EVC: variants seen among roughly 807,000 people sequenced by gnomAD.
The protein encoded by EVC is EvC ciliary complex subunit 1, also known as evC complex member EVC.
In EVC, 116 loss-of-function variants were observed where a neutral mutation model predicts 118.9. The observed-to-expected ratio is 0.98, with a 90% CI of 0.84 to 1.14. EVC has a LOEUF of 1.14. EVC is among the 50% of genes most tolerant of loss of function. The probability of loss-of-function intolerance (pLI) is 0.00; values close to 1 mark genes in which losing one functional copy is unlikely to be tolerated. For synonymous variants in EVC, 619 were observed against 534.7 expected (o/e 1.16, Z -2.18); for missense variants, 1,401 against 1,246.4 (o/e 1.12, Z -1.87).
chr4:5,719,351 C>T lies in EVC; in HGVS notation c.278C>T (p.Ser93Leu), dbSNP rs1234856967. ...SRRRKREVQM[S>L]KDKEAVDECE... ...AGGAGGAAGAGAGAAGTGCAGATGT[C>T]GAAGGACAAGGAAGCTGTTGATGTA... is the stretch of plus-strand genomic sequence containing the variant. The change falls in exon 2 of 21, where the codon TCG becomes TTG. Residue 93 changes from serine (S) to leucine (L), a missense_variant. Physicochemically the swap from Ser to Leu is moderately radical, Grantham distance 145 (BLOSUM62 -2). Coordinates refer to ENST00000264956, the MANE Select transcript of EVC (RefSeq NM_153717.3). The surrounding 1 kb of genome is among the most constrained non-coding windows in gnomAD (Gnocchi z 4.7). 8 of 1,613,966 alleles carry T rather than the reference C, an allele frequency of 5.0e-6. No homozygotes were observed. Among genetic ancestry groups the T allele is most frequent in the Admixed American group, 1.7e-5 (1 of 59,990 alleles).
chr4:5,737,133 G>A lies in EVC; in HGVS notation c.702+3698G>A, dbSNP rs1018364434. Among the ~76,000 whole-genome samples the A allele has an allele frequency of 6.6e-6, 1 of 152,234 alleles. No homozygotes were observed. The highest frequency in any genetic ancestry group is 1.5e-5 in the Non-Finnish European group (1 of 68,036). On this transcript the variant is annotated intron_variant, in intron 5 of 20. Coordinates refer to ENST00000264956, the MANE Select transcript of EVC (RefSeq NM_153717.3). This position sits in a 1 kb window ranked among gnomAD's most constrained non-coding sequence, Gnocchi z 5.0. ...GATATGGAGAAAGTCTGAGTGGTCT[G>A]CATAGAAGATCAAACCAGACACAAC...
chr4:5,711,407 G>C lies in EVC; in HGVS notation c.27G>C (p.Lys9Asn), dbSNP rs1474600088. The C allele has an allele frequency of 2.0e-6, 2 of 1,021,452 alleles. No homozygotes were observed. The highest frequency in any genetic ancestry group is 5.7e-5 in the Admixed American group (1 of 17,412). The allele number at this position is 1,021,452 out of a possible 1,614,324, so 63.3% of individuals were successfully genotyped here. Residue 9 changes from lysine (K) to asparagine (N), a missense_variant, in exon 1 of 21, where the codon AAG becomes AAC. Physicochemically the swap from Lys to Asn is moderately conservative, Grantham distance 94. Transcript: ENST00000264956. ...TGGCCCGCGGCGGGGCGGCCTGCAA[G>C]AGCGACGCGCGGCTGCTGCTGGGGC... Reference protein sequence around the residue: MARGGAACKSDARLLLGRD... With the variant: MARGGAACNSDARLLLGRD...
intron 20 of EVC, 124 bp from the exon 21 acceptor site, chr4:5,810,829 C>G: frequency 1.1e-6 from 1 of 937,282 alleles, no homozygotes; most frequent in Non-Finnish European, 1.7e-6. Context: ...CAACCCATGT[C>G]AAAGTAAAAA....
In EVC at chr4:5,746,620, T is replaced by G. The variant is rs1729390827; in HGVS notation, c.939+1279T>G. ...TGCTAAGGAAGAGGGCCAGCCTGGA[T>G]TCCGGTGGTCCACAGAACCCCCAAC... is the stretch of plus-strand genomic sequence containing the variant. On this transcript the variant is annotated intron_variant, in intron 7 of 20. Coordinates refer to ENST00000264956, the MANE Select transcript of EVC (RefSeq NM_153717.3). This position sits in a 1 kb window ranked among gnomAD's most constrained non-coding sequence, Gnocchi z 5.8. 6.6e-6 allele frequency among the ~76,000 whole-genome samples: 1 copy of G among 152,132 alleles called. No homozygotes were observed. Among genetic ancestry groups the G allele is most frequent in the Non-Finnish European group, 1.5e-5 (1 of 68,016 alleles).
chr4:5,797,278 C>G, intron 14 of EVC, 46 bp downstream of exon 14: 1 of 1,466,862 alleles, frequency 6.8e-7, no homozygotes, highest in Non-Finnish European at 9.4e-7. Context: ...AGGCGGTGCC[C>G]CTGCAGCAGG....
intron 5 of EVC, among the ~76,000 whole-genome samples, chr4:5,735,067 C>A (rs1236040264): frequency 6.6e-6 from 1 of 152,258 alleles, no homozygotes; most frequent in Non-Finnish European, 1.5e-5. Flanking sequence ...CACTCACCAT[C>A]CAGCACAGGG....
chr4:5,719,481 A>G lies in EVC; in HGVS notation c.300+108A>G. ...AAGCCTCTGACAGATATAGTTTCCC[A>G]ATGGGCTGCTTTTCTGAGGCATAAT... On this transcript the variant is annotated intron_variant, in intron 2 of 20. Coordinates refer to ENST00000264956, the MANE Select transcript of EVC (RefSeq NM_153717.3). This position sits in a 1 kb window ranked among gnomAD's most constrained non-coding sequence, Gnocchi z 4.7. 1 of 1,534,208 alleles carries G rather than the reference A, an allele frequency of 6.5e-7. No homozygotes were observed. Among genetic ancestry groups the G allele is most frequent in the Non-Finnish European group, 9.0e-7 (1 of 1,111,814 alleles).
intron 5 of EVC, among the ~76,000 whole-genome samples, chr4:5,740,883 A>G (rs980592432): frequency 6.6e-6 from 1 of 152,236 alleles, no homozygotes; most frequent in African/African-American, 2.4e-5. Context: ...TGAACTCACA[A>G]TAAGATATCA....
intron 13 of EVC, among the ~76,000 whole-genome samples, chr4:5,795,744 G>A (rs191653740): frequency 7.2e-5 from 11 of 152,336 alleles, no homozygotes; most frequent in South Asian, 2.1e-4. Flanking sequence ...AACAGAGAGC[G>A]ATTGGGGAAT....
intron 12 of EVC, among the ~76,000 whole-genome samples, chr4:5,787,014 A>T (rs1488732156): frequency 6.6e-6 from 1 of 152,246 alleles, no homozygotes; most frequent in Admixed American, 6.5e-5. Context: ...GAAGCTATTC[A>T]TGGAAAATCA....
chr4:5,773,763 T>A (rs1734328560), intron 11 of EVC, among the ~76,000 whole-genome samples: 1 of 152,088 alleles, frequency 6.6e-6, no homozygotes, highest in African/African-American at 2.4e-5. Flanking sequence ...CTCCTGCCCC[T>A]TGTTCAACCC....
rs1282023336 is a variant in EVC, at chr4:5,811,449, AT to A, written c.*413del. ...CAGATACATAATGACACCTGCAGAA[AT>A]GTATTCTCTGAGGACACTTAGAATA... On this transcript the variant is annotated 3_prime_UTR_variant, in exon 21 of 21. Coordinates refer to ENST00000264956, the MANE Select transcript of EVC (RefSeq NM_153717.3). The A allele has an allele frequency of 3.9e-6, 1 of 259,500 alleles. No homozygotes were observed. 16.1% of individuals were successfully genotyped at this position (259,500 alleles called of 1,614,324 possible). A position where few individuals can be genotyped will look rare whatever the true frequency, so the allele number is the denominator to read the frequency against.
intron 11 of EVC, among the ~76,000 whole-genome samples, chr4:5,764,545 G>A (rs2152138337): frequency 6.7e-6 from 1 of 150,374 alleles, no homozygotes; most frequent in African/African-American, 2.5e-5. Context: ...ACTCTTTTTG[G>A]TTGGTAAGCT....
At chr4:5,776,870 T>C (rs180877870) in intron 11 of EVC, among the ~76,000 whole-genome samples, 4 of 152,304 alleles carry the variant, frequency 2.6e-5, no homozygotes, top group South Asian at 2.1e-4. Context: ...TTAAACTAAG[T>C]AGTGTTACTT....
rs140145622 is a variant in EVC at position 5,749,339 on chromosome 4, C to CGG, written c.1098+1034_1098+1035dup. ...ATTAACACTAACGATAGCTGATGAG[C>CGG]GGAAAAAAAAAAAAAAAAAAAGGTC... On this transcript the variant is annotated intron_variant, in intron 8 of 20. Coordinates refer to ENST00000264956, the MANE Select transcript of EVC (RefSeq NM_153717.3). The surrounding 1 kb of genome is among the most constrained non-coding windows in gnomAD (Gnocchi z 4.4). 6.0e-3 allele frequency among the ~76,000 whole-genome samples: 520 copies of CGG among 87,192 alleles called. 4 individuals are homozygous for CGG. The highest frequency in any genetic ancestry group is 0.028 in the African/African-American group (494 of 17,944). 57.2% of individuals were successfully genotyped at this position (87,192 alleles called of 152,430 possible).
rs4045512 is a variant in EVC at position 5,805,891 on chromosome 4, CTT to C, written c.2561+1067_2561+1068del. Among the ~76,000 whole-genome samples, 102 of 123,930 alleles carry C rather than the reference CTT, an allele frequency of 8.2e-4. 2 individuals carry two copies. The highest frequency in any genetic ancestry group is 3.3e-3 in the Admixed American group (39 of 11,656). The allele number at this position is 123,930 out of a possible 152,430, so 81.3% of individuals were successfully genotyped here. A position where few individuals can be genotyped will look rare whatever the true frequency, so the allele number is the denominator to read the frequency against. On this transcript the variant is annotated intron_variant, in intron 17 of 20. Transcript: ENST00000264956. ...CTTGAATTCAGAGGCAGTTTCTTTT[CTT>C]TTTTTTTTTTTTTTTTGAAGGAGTG...
intron 11 of EVC, among the ~76,000 whole-genome samples, chr4:5,768,055 A>G (rs114392156): frequency 6.6e-6 from 1 of 152,302 alleles, no homozygotes; most frequent in African/African-American, 2.4e-5. Context: ...AGCTTTGTGC[A>G]GCATGTGTAT....
At position 5,745,352 on chromosome 4, in the gene EVC, G is replaced by A. The variant is rs55955937; in HGVS notation, c.939+11G>A. ...CAGCTAATCGATAATGTGCGTGCCA[G>A]ACTTTCTTTCCTGTACACAAATTTT... is the stretch of plus-strand genomic sequence containing the variant. On this transcript the variant is annotated intron_variant, in intron 7 of 20. Transcript: ENST00000264956. 6 of 1,612,104 alleles carry A rather than the reference G, an allele frequency of 3.7e-6. No homozygotes were observed. The South Asian group carries it at 6.6e-5, about 18-fold the overall frequency.
intron 12 of EVC, among the ~76,000 whole-genome samples, chr4:5,784,867 C>T (rs10024203): frequency 1.3e-5 from 2 of 152,008 alleles, no homozygotes; most frequent in African/African-American, 2.4e-5. Context: ...CTTAGCCTCC[C>T]GAAGTGCTGG....
Sources: allele counts gnomAD v4.1 joint callset (sites outside exome capture counted in the v4.1 genomes callset), GRCh38; gene constraint gnomAD v4.1.1; non-coding constraint Gnocchi (gnomAD v3.1); transcripts MANE v1.5; gene names NCBI Gene and HGNC (gene_info 2026-07-23, HGNC 2026-07-21).